Variants in TMOD3 observed in about 807,000 individuals in gnomAD.
The protein encoded by TMOD3 is tropomodulin-3.
A neutral mutation model predicts 39.2 loss-of-function variants in TMOD3; 20 were observed. The observed-to-expected ratio is 0.51, with a 90% confidence interval of 0.36 to 0.74. TMOD3 has a LOEUF of 0.74. Among genes scored for constraint, TMOD3 ranks in the 30% least tolerant of loss-of-function variants. TMOD3 has a pLI of 0.00. For synonymous variants in TMOD3, 143 were observed against 145.8 expected, an observed-to-expected ratio of 0.98 and a Z score of 0.14; for missense variants, 381 against 412.8, an observed-to-expected ratio of 0.92 and a Z score of 0.67.
chr15:51,848,297 A>G (rs142699288), intron 1 of TMOD3, among the ~76,000 whole-genome samples: 9 of 152,310 alleles, frequency 5.9e-5, no homozygotes, highest in African/African-American at 2.2e-4. Flanking sequence ...GAGAGTCTTG[A>G]AACTCCCTTG....
intron 1 of TMOD3, among the ~76,000 whole-genome samples, chr15:51,841,830 C>G (rs1431466144): frequency 6.6e-6 from 1 of 152,114 alleles, no homozygotes. Flanking sequence ...AGTGCGGTGG[C>G]ACGATCTTGG....
At chr15:51,872,129 C>T (rs1360132866) in intron 3 of TMOD3, among the ~76,000 whole-genome samples, 1 of 152,144 alleles carries the variant, frequency 6.6e-6, no homozygotes, top group African/African-American at 2.4e-5. Flanking sequence ...CGCGGTAGCT[C>T]AACGCCTGTA....
intron 1 of TMOD3, among the ~76,000 whole-genome samples, chr15:51,857,207 A>C (rs189093956): frequency 4.3e-4 from 65 of 152,384 alleles, no homozygotes; most frequent in African/African-American, 1.5e-3. Flanking sequence ...GGGTATGTAC[A>C]AATAAGGCAA....
At chr15:51,892,468 T>TG (rs1477828608) in intron 5 of TMOD3, 8 of 152,382 alleles carry the variant, frequency 5.2e-5, no homozygotes, top group South Asian at 2.1e-4. Context: ...ATCATATTCC[T>TG]GTGTGGGTAG....
At chr15:51,837,800 C>G (rs2056293918) in intron 1 of TMOD3, among the ~76,000 whole-genome samples, 1 of 152,160 alleles carries the variant, frequency 6.6e-6, no homozygotes, top group Non-Finnish European at 1.5e-5. Flanking sequence ...GGCCAGCATT[C>G]CAAGTGATAT....
chr15:51,875,758 G>A (rs1305881455), intron 3 of TMOD3, among the ~76,000 whole-genome samples: 1 of 151,926 alleles, frequency 6.6e-6, no homozygotes, highest in Non-Finnish European at 1.5e-5. Flanking sequence ...TGGGACTACA[G>A]GCAGCCGCCA....
At position 51,862,954 on chromosome 15, in the gene TMOD3, C is replaced by T; in HGVS notation, c.70C>T (p.Leu24=). ...TGATGAAGATGAGCTCCTTGGGAAT[C>T]TGTCAGAAACAGAACTGAAACAACT... is the stretch of plus-strand genomic sequence containing the variant. ...DLDEDELLGN[L]SETELKQLET... Residue 24 remains leucine (L), a synonymous_variant, in exon 2 of 10, where the codon CTG becomes TTG. Coordinates refer to ENST00000308580, the MANE Select transcript of TMOD3 (RefSeq NM_014547.5). The T allele has an allele frequency of 6.2e-7, 1 of 1,614,046 alleles. No individual in the cohort carries two copies. Among genetic ancestry groups the T allele is most frequent in the Non-Finnish European group, 8.5e-7 (1 of 1,179,940 alleles).
intron 6 of TMOD3, among the ~76,000 whole-genome samples, chr15:51,894,231 A>G (rs1362416999): frequency 1.3e-5 from 2 of 152,146 alleles, no homozygotes; most frequent in East Asian, 3.9e-4. Context: ...AAGAACATTT[A>G]GCCTCTTGGG....
intron 5 of TMOD3, among the ~76,000 whole-genome samples, chr15:51,890,337 ATT>A (rs34989450): frequency 5.5e-5 from 7 of 128,198 alleles, no homozygotes; most frequent in Admixed American, 1.6e-4. Flanking sequence ...TGTCCAGCTA[ATT>A]TTTTTTTTTT....
chr15:51,855,982 G>A (rs1595894099), intron 1 of TMOD3, among the ~76,000 whole-genome samples: 1 of 152,250 alleles, frequency 6.6e-6, no homozygotes, highest in Non-Finnish European at 1.5e-5. Flanking sequence ...GTAGTGGCCA[G>A]GTGTGGTGGG....
At chr15:51,845,049 A>G (rs1053918878) in intron 1 of TMOD3, among the ~76,000 whole-genome samples, 1 of 152,094 alleles carries the variant, frequency 6.6e-6, no homozygotes, top group Non-Finnish European at 1.5e-5. Flanking sequence ...CTTTTTACTT[A>G]TACATTGTTC....
At chr15:51,830,208 G>A (rs1215891735) in intron 1 of TMOD3, among the ~76,000 whole-genome samples, 1 of 152,200 alleles carries the variant, frequency 6.6e-6, no homozygotes, top group Non-Finnish European at 1.5e-5. Flanking sequence ...CACCGAGATG[G>A]CACCGAGCCT....
At chr15:51,904,336 G>T (rs929473672) in intron 9 of TMOD3, among the ~76,000 whole-genome samples, 3 of 152,150 alleles carry the variant, frequency 2.0e-5, no homozygotes, top group African/African-American at 7.2e-5. Flanking sequence ...TGTTGGCAGG[G>T]GCCATGTCCG....
At chr15:51,840,525 A>G (rs1280187160) in intron 1 of TMOD3, among the ~76,000 whole-genome samples, 1 of 152,224 alleles carries the variant, frequency 6.6e-6, no homozygotes, top group Non-Finnish European at 1.5e-5. Context: ...TATTTTACGG[A>G]TGAGAAAACA....
chr15:51,855,392 T>C (rs2056382962), intron 1 of TMOD3, among the ~76,000 whole-genome samples: 1 of 152,216 alleles, frequency 6.6e-6, no homozygotes, highest in South Asian at 2.1e-4. Flanking sequence ...GAGATTATGA[T>C]GCACTCAAAA....
At chr15:51,906,121 T>C (rs1019757051) in intron 9 of TMOD3, among the ~76,000 whole-genome samples, 1 of 152,106 alleles carries the variant, frequency 6.6e-6, no homozygotes, top group African/African-American at 2.4e-5. Context: ...CGTTGCCCCA[T>C]TGTCCTCTGT....
intron 1 of TMOD3, chr15:51,859,365 C>T: frequency 1.4e-6 from 1 of 699,400 alleles, no homozygotes; most frequent in Non-Finnish European, 2.7e-6. Context: ...TCCAAACTCT[C>T]TCAAAGCCCT....
At chr15:51,845,448 A>G (rs1232756793) in intron 1 of TMOD3, among the ~76,000 whole-genome samples, 1 of 152,158 alleles carries the variant, frequency 6.6e-6, no homozygotes, top group Admixed American at 6.5e-5. Context: ...TAAGTGCTAG[A>G]CTTTTTCTCC....
chr15:51,906,855 T>C (rs1013508333), intron 9 of TMOD3, among the ~76,000 whole-genome samples: 3 of 151,972 alleles, frequency 2.0e-5, no homozygotes, highest in Non-Finnish European at 4.4e-5. Context: ...CCGTCTCTAC[T>C]TTAAAAAGTA....
Sources: allele counts gnomAD v4.1 joint callset (sites outside exome capture counted in the v4.1 genomes callset), GRCh38; gene constraint gnomAD v4.1.1; transcripts MANE v1.5; gene names NCBI Gene and HGNC (gene_info 2026-07-23, HGNC 2026-07-21).